Variants in DLGAP1 observed in about 807,000 individuals in gnomAD.
DLGAP1 encodes DLG associated protein 1.
DLGAP1 carries 11 observed loss-of-function variants against 90.8 expected under a neutral mutation model. The observed-to-expected ratio is 0.12, with a 90% CI of 0.08 to 0.20. The LOEUF is 0.20. Among genes scored for constraint, DLGAP1 ranks in the 10% least tolerant of loss-of-function variants. DLGAP1 has a pLI of 1.00. For missense variants in DLGAP1, 1,050 were observed against 1,333.8 expected (o/e 0.79, Z 3.31); for synonymous variants, 558 against 540.7 (o/e 1.03, Z -0.44).
Position 4,422,288 on chromosome 18 carries a change from A to G in DLGAP1, c.-267+32718T>C, listed in dbSNP as rs542374352. 4.1e-4 allele frequency among the ~76,000 whole-genome samples: 63 copies of G among 152,086 alleles called. 1 individual carries two copies. The highest frequency in any genetic ancestry group is 1.5e-3 in the African/African-American group (62 of 41,542). ...CCATTAAATTTGGTAATATAATGCC[A>G]TGTTTACTGACATATAAAATAATTC... On this transcript the variant is annotated intron_variant, in intron 1 of 12. Transcript: ENST00000315677.
At chr18:4,357,416 C>T (rs941027461) in intron 1 of DLGAP1, among the ~76,000 whole-genome samples, 3 of 151,954 alleles carry the variant, frequency 2.0e-5, no homozygotes, top group Non-Finnish European at 4.4e-5. Flanking sequence ...GGCCTCCCAC[C>T]ATTTCTTTCT....
chr18:4,265,163 C>T (rs1404407762), intron 1 of DLGAP1, among the ~76,000 whole-genome samples: 1 of 139,612 alleles, frequency 7.2e-6, no homozygotes, highest in Non-Finnish European at 1.5e-5. Context: ...TCTCTTCCTC[C>T]CTTCTTTCTC....
At chr18:4,062,540 C>T (rs534877555) in intron 2 of DLGAP1, among the ~76,000 whole-genome samples, 9 of 152,196 alleles carry the variant, frequency 5.9e-5, no homozygotes, top group Admixed American at 2.6e-4. Context: ...GGGCTTAAGG[C>T]TTTAAAAGTT....
chr18:4,131,472 C>T (rs562531025), intron 2 of DLGAP1, among the ~76,000 whole-genome samples: 49 of 152,266 alleles, frequency 3.2e-4, no homozygotes, highest in Middle Eastern at 6.8e-3. Flanking sequence ...TTGCCAGTAC[C>T]CTACTTGGCT....
At position 4,197,973 on chromosome 18, in the gene DLGAP1, G is replaced by A. The variant is rs988780087; in HGVS notation, c.-266-46686C>T. 7.2e-5 allele frequency among the ~76,000 whole-genome samples: 11 copies of A among 152,252 alleles called. No homozygotes were observed. In the East Asian group the frequency reaches 2.1e-3, roughly 30 times the overall value. ...GCGGTGGCTCACGCCTGTAATCCCAGCACTTTGGGAGGCTGAGGCGGGCGG... is the reference window on the plus strand; with the variant it reads ...GCGGTGGCTCACGCCTGTAATCCCAACACTTTGGGAGGCTGAGGCGGGCGG... On this transcript the variant is annotated intron_variant, in intron 1 of 12. Transcript: ENST00000315677.
chr18:4,114,161 G>C (rs532797962), intron 2 of DLGAP1, among the ~76,000 whole-genome samples: 2 of 145,306 alleles, frequency 1.4e-5, no homozygotes, highest in Admixed American at 7.0e-5. Context: ...CTGTGAAAAT[G>C]ATATTAGTTT....
intron 4 of DLGAP1, among the ~76,000 whole-genome samples, chr18:3,860,860 T>C (rs2070006976): frequency 6.6e-6 from 1 of 152,200 alleles, no homozygotes; most frequent in Admixed American, 6.5e-5. Context: ...CCCGTTATAC[T>C]CCCATAGAAA....
intron 7 of DLGAP1, among the ~76,000 whole-genome samples, chr18:3,634,024 T>C (rs1406016130): frequency 6.6e-6 from 1 of 152,214 alleles, no homozygotes; most frequent in Non-Finnish European, 1.5e-5. Context: ...AGAATAATTT[T>C]GGTTGTGTAT....
intron 2 of DLGAP1, among the ~76,000 whole-genome samples, chr18:4,136,052 T>C (rs1251959851): frequency 1.3e-5 from 2 of 151,734 alleles, no homozygotes; most frequent in East Asian, 1.9e-4. Flanking sequence ...ATGTGTGATG[T>C]TCCCCATCCT....
At chr18:4,429,399 T>A (rs1439720917) in intron 1 of DLGAP1, among the ~76,000 whole-genome samples, 1 of 152,240 alleles carries the variant, frequency 6.6e-6, no homozygotes, top group Non-Finnish European at 1.5e-5. Context: ...ATTATGTTTT[T>A]CTCATTCATT....
At chr18:3,858,500 A>ATATG (rs2069804999) in intron 4 of DLGAP1, among the ~76,000 whole-genome samples, 1 of 149,436 alleles carries the variant, frequency 6.7e-6, no homozygotes, top group South Asian at 2.1e-4. Context: ...ACGTGTATAT[A>ATATG]TACATATATA....
In DLGAP1 at chr18:3,682,800, A is replaced by T. The variant is rs145096272; in HGVS notation, c.1591+46335T>A. On this transcript the variant is annotated intron_variant, in intron 7 of 12. Transcript: ENST00000315677. ...ACAGGACTCCTAGAGCATCCTCATTATTTATAAGCATTATTTGATTGATTG... is the reference window on the plus strand; with the variant it reads ...ACAGGACTCCTAGAGCATCCTCATTTTTTATAAGCATTATTTGATTGATTG... Among the ~76,000 whole-genome samples, 234 of 151,884 alleles carry T rather than the reference A, an allele frequency of 1.5e-3. 2 individuals carry two copies. The highest frequency in any genetic ancestry group is 5.4e-3 in the African/African-American group (225 of 41,430).
chr18:4,200,514 C>T (rs1438234007), intron 1 of DLGAP1, among the ~76,000 whole-genome samples: 1 of 151,404 alleles, frequency 6.6e-6, no homozygotes, highest in African/African-American at 2.4e-5. Context: ...TATGTAACAT[C>T]ACTCACAAAG....
At chr18:3,720,594 T>C (rs1369492600) in intron 7 of DLGAP1, among the ~76,000 whole-genome samples, 2 of 152,182 alleles carry the variant, frequency 1.3e-5, no homozygotes. Context: ...CTGAATAATG[T>C]TGCTCTTAAA....
At chr18:3,735,787 T>G (rs576494448) in intron 6 of DLGAP1, among the ~76,000 whole-genome samples, 92 of 152,316 alleles carry the variant, frequency 6.0e-4, no homozygotes, top group Admixed American at 2.0e-3. Context: ...CTACTGTTAA[T>G]ACTACTATTA....
intron 2 of DLGAP1, among the ~76,000 whole-genome samples, chr18:4,061,488 A>C (rs534570409): frequency 6.6e-6 from 1 of 152,156 alleles, no homozygotes; most frequent in Non-Finnish European, 1.5e-5. Context: ...TTTTGAGATC[A>C]CTGTTCTGCT....
chr18:3,551,150 A>G (rs1243566210), intron 9 of DLGAP1, among the ~76,000 whole-genome samples: 3 of 17,444 alleles, frequency 1.7e-4, no homozygotes, highest in African/African-American at 3.1e-4. Flanking sequence ...ACTGACTAAT[A>G]TTATATACAT....
intron 7 of DLGAP1, chr18:3,597,441 C>A: frequency 2.8e-6 from 1 of 358,178 alleles, no homozygotes; most frequent in Non-Finnish European, 5.4e-6. Context: ...GCACTTATTG[C>A]CAATTCTTGC....
At chr18:3,716,764 C>A (rs1358652890) in intron 7 of DLGAP1, among the ~76,000 whole-genome samples, 3 of 152,088 alleles carry the variant, frequency 2.0e-5, no homozygotes, top group South Asian at 4.1e-4. Context: ...ATACTGTTCC[C>A]ATGTCCTGTG....
Sources: allele counts gnomAD v4.1 joint callset (sites outside exome capture counted in the v4.1 genomes callset), GRCh38; gene constraint gnomAD v4.1.1; transcripts MANE v1.5; gene names NCBI Gene and HGNC (gene_info 2026-07-23, HGNC 2026-07-21).